The following ST6GAL2 variants were observed in gnomAD, a reference collection of about 807,000 sequenced individuals.
ST6GAL2 encodes ST6 beta-galactoside alpha-2,6-sialyltransferase 2, also known as beta-galactoside alpha-2,6-sialyltransferase 2.
Under a neutral mutation model 37.5 loss-of-function variants are expected in ST6GAL2, and 24 were observed. The ratio of observed to expected loss-of-function variants is 0.64; its 90% CI spans 0.46 to 0.90. The LOEUF (loss-of-function observed/expected upper bound fraction) is 0.90. Ranked by LOEUF, ST6GAL2 falls within the 40% of genes least tolerant of loss-of-function variation. The probability of loss-of-function intolerance (pLI) is 0.00; values close to 1 mark genes in which losing one functional copy is unlikely to be tolerated. For missense variants in ST6GAL2, 715 were observed against 712.7 expected (o/e 1.00, Z -0.04); for synonymous variants, 306 against 295.1 (o/e 1.04, Z -0.38).
chr2:106,837,234 G>A (rs1046123234), intron 2 of ST6GAL2, among the ~76,000 whole-genome samples: 1 of 152,142 alleles, frequency 6.6e-6, no homozygotes, highest in Non-Finnish European at 1.5e-5. Flanking sequence ...TTACCCAAGG[G>A]CTTTTCCTTT....
intron 5 of ST6GAL2, among the ~76,000 whole-genome samples, chr2:106,828,706 G>T (rs1416126781): frequency 1.3e-5 from 2 of 152,066 alleles, no homozygotes; most frequent in Non-Finnish European, 2.9e-5. Context: ...AAAGGAAAAG[G>T]GGTGTAAATT....
At chr2:106,817,676 C>T (rs1675853092) in intron 5 of ST6GAL2, among the ~76,000 whole-genome samples, 1 of 152,078 alleles carries the variant, frequency 6.6e-6, no homozygotes, top group Non-Finnish European at 1.5e-5. Context: ...GGGACTCCCG[C>T]TTGAAAAAAG....
rs1444102586 is a variant in ST6GAL2, at chr2:106,830,242, T to A, written c.1144-2A>T. On this transcript the variant is annotated splice_acceptor_variant, in intron 4 of 5. Transcript: ENST00000409382. LOFTEE classifies it high-confidence loss of function. ...GTTGTAATCCGGTTTTTTGTACCAC[T>A]AAGGAAAAAAAAATCAATGCAGTCA... 1.9e-6 allele frequency: 3 copies of A among 1,601,062 alleles called. No homozygotes were observed. The highest frequency in any genetic ancestry group is 1.7e-5 in the Admixed American group (1 of 57,824).
chr2:106,808,740 A>C (rs13410807), intron 5 of ST6GAL2, among the ~76,000 whole-genome samples: 32,348 of 152,134 alleles, frequency 0.21, 3,969 homozygotes, highest in East Asian at 0.49. Flanking sequence ...CCCCTGTATA[A>C]AATCATATAC....
At chr2:106,860,274 T>G (rs1201824898) in intron 1 of ST6GAL2, among the ~76,000 whole-genome samples, 1 of 152,206 alleles carries the variant, frequency 6.6e-6, no homozygotes, top group Non-Finnish European at 1.5e-5. Context: ...CAGGGTGATC[T>G]GTCTTTCTGG....
intron 1 of ST6GAL2, among the ~76,000 whole-genome samples, chr2:106,884,073 A>T (rs1013076689): frequency 3.3e-5 from 5 of 151,946 alleles, no homozygotes; most frequent in African/African-American, 1.2e-4. Context: ...TATAAGCAAT[A>T]GACCAGAGCC....
chr2:106,838,557 G>A (rs906302495), intron 2 of ST6GAL2, among the ~76,000 whole-genome samples: 5 of 152,188 alleles, frequency 3.3e-5, no homozygotes, highest in Non-Finnish European at 2.9e-5. Context: ...TCTCTACAGT[G>A]ACTATCTGCA....
At chr2:106,872,662 T>C (rs1460843446) in intron 1 of ST6GAL2, among the ~76,000 whole-genome samples, 1 of 127,322 alleles carries the variant, frequency 7.9e-6, no homozygotes, top group African/African-American at 2.9e-5. Context: ...CAGGGTGGAG[T>C]GCAGTGGCAT....
chr2:106,839,456 G>A (rs904091623), intron 2 of ST6GAL2, among the ~76,000 whole-genome samples: 4 of 152,118 alleles, frequency 2.6e-5, no homozygotes, highest in South Asian at 2.1e-4. Flanking sequence ...GAAGTGTGCC[G>A]GTATGGATAG....
chr2:106,825,154 A>G (rs944435261), intron 5 of ST6GAL2: 1 of 152,242 alleles, frequency 6.6e-6, no homozygotes, highest in Non-Finnish European at 1.5e-5. Context: ...TCCCATAACA[A>G]TGGTGCTGAC....
chr2:106,812,947 T>G, intron 5 of ST6GAL2: 1 of 882,630 alleles, frequency 1.1e-6, no homozygotes, highest in Non-Finnish European at 1.5e-6. Flanking sequence ...TTAACAACTT[T>G]ATCACTAATG....
chr2:106,861,079 G>A (rs1377807746), intron 1 of ST6GAL2, among the ~76,000 whole-genome samples: 1 of 152,098 alleles, frequency 6.6e-6, no homozygotes, highest in Non-Finnish European at 1.5e-5. Context: ...GTAGAAGAGT[G>A]AGACCCTAAT....
chr2:106,823,768 T>C (rs1385492690), intron 5 of ST6GAL2, among the ~76,000 whole-genome samples: 3 of 152,092 alleles, frequency 2.0e-5, no homozygotes, highest in Non-Finnish European at 4.4e-5. Flanking sequence ...CCAAGAACAA[T>C]ATGCAGCAGA....
chr2:106,829,981 T>G, intron 5 of ST6GAL2, 85 bp downstream of exon 5: 1 of 1,274,566 alleles, frequency 7.8e-7, no homozygotes, highest in Non-Finnish European at 1.1e-6. Flanking sequence ...ATTTTCAACC[T>G]GTATAACACG....
intron 3 of ST6GAL2, 89 bp from the exon 4 acceptor site, chr2:106,832,755 G>A (rs1676474015): frequency 1.2e-6 from 1 of 860,268 alleles, no homozygotes; most frequent in Admixed American, 1.9e-5. Context: ...AAAAGAACTG[G>A]GGCAAAAAAA....
At chr2:106,810,779 G>A (rs373175039) in intron 5 of ST6GAL2, among the ~76,000 whole-genome samples, 38 of 152,150 alleles carry the variant, frequency 2.5e-4, no homozygotes, top group African/African-American at 6.0e-4. Context: ...GTGAAACCCC[G>A]TCTCTACAAA....
chr2:106,864,969 G>T (rs2104593947), intron 1 of ST6GAL2, among the ~76,000 whole-genome samples: 1 of 152,122 alleles, frequency 6.6e-6, no homozygotes, highest in Middle Eastern at 3.4e-3. Flanking sequence ...GTTAGTGTTT[G>T]CCCATTCTAT....
At chr2:106,863,674 C>T (rs1296388201) in intron 1 of ST6GAL2, among the ~76,000 whole-genome samples, 1 of 152,174 alleles carries the variant, frequency 6.6e-6, no homozygotes, top group Non-Finnish European at 1.5e-5. Context: ...CCTGGCACTA[C>T]TTAATTAACC....
At chr2:106,841,322 G>A (rs1362778564) in intron 2 of ST6GAL2, 1 of 152,174 alleles carries the variant, frequency 6.6e-6, no homozygotes, top group Non-Finnish European at 1.5e-5. Context: ...AGACAACAAA[G>A]ATTACTTATT....
Sources: allele counts gnomAD v4.1 joint callset (sites outside exome capture counted in the v4.1 genomes callset), GRCh38; gene constraint gnomAD v4.1.1; transcripts MANE v1.5; gene names NCBI Gene and HGNC (gene_info 2026-07-23, HGNC 2026-07-21).